Variants in NHERF4 observed in about 807,000 individuals in gnomAD.
NHERF4 encodes Na(+)/H(+) exchange regulatory cofactor NHE-RF4.
chr11:119,186,075 C>A, the NHERF4 span: 23 of 1,610,360 alleles, frequency 1.4e-5, no homozygotes, highest in East Asian at 5.1e-4. This position sits in a 1 kb window ranked among gnomAD's most constrained non-coding sequence, Gnocchi z 4.4. Context: ...GTACCTGCTT[C>A]CCCTGCCTCC....
the NHERF4 span, chr11:119,190,172 A>G: frequency 1.0e-6 from 1 of 997,580 alleles, no homozygotes; most frequent in Non-Finnish European, 1.4e-6. The surrounding 1 kb of genome is among the most constrained non-coding windows in gnomAD (Gnocchi z 4.2). Flanking sequence ...AACAAAAACA[A>G]AAAAAGAAGA....
At chr11:119,187,258 C>CCCT in the NHERF4 span, 1 of 1,579,460 alleles carries the variant, frequency 6.3e-7, no homozygotes, top group Non-Finnish European at 8.6e-7. Context: ...CGCCCACGTG[C>CCCT]CCTCTGTCCA....
chr11:119,187,426 G>A, the NHERF4 span: 1 of 1,614,148 alleles, frequency 6.2e-7, no homozygotes, highest in Non-Finnish European at 8.5e-7. Flanking sequence ...CATAGTGAAA[G>A]ATGAGGGTGG....
the NHERF4 span, chr11:119,186,489 C>A: frequency 6.2e-7 from 1 of 1,614,136 alleles, no homozygotes; most frequent in Non-Finnish European, 8.5e-7. The surrounding 1 kb of genome is among the most constrained non-coding windows in gnomAD (Gnocchi z 4.4). Flanking sequence ...ATCCCTGGAG[C>A]CTGGAGCGGC....
At chr11:119,186,106 A>G in the NHERF4 span, 1 of 1,612,852 alleles carries the variant, frequency 6.2e-7, no homozygotes, top group Non-Finnish European at 8.5e-7. This position sits in a 1 kb window ranked among gnomAD's most constrained non-coding sequence, Gnocchi z 4.4. Context: ...TTTAAGTTTA[A>G]CCCAAAGCTG....
At chr11:119,186,124 A>T in the NHERF4 span, 1 of 1,613,898 alleles carries the variant, frequency 6.2e-7, no homozygotes, top group South Asian at 1.1e-5. This position sits in a 1 kb window ranked among gnomAD's most constrained non-coding sequence, Gnocchi z 4.4. Flanking sequence ...CTGGGCATTG[A>T]TAATCCTGTC....
chr11:119,187,472 G>T, the NHERF4 span: 4 of 1,613,852 alleles, frequency 2.5e-6, no homozygotes, highest in African/African-American at 1.3e-5. Flanking sequence ...GAGCCCAGAG[G>T]GTGCGAGGGG....
At chr11:119,186,522 A>G in the NHERF4 span, 1 of 1,614,172 alleles carries the variant, frequency 6.2e-7, no homozygotes, top group Non-Finnish European at 8.5e-7. The surrounding 1 kb of genome is among the most constrained non-coding windows in gnomAD (Gnocchi z 4.4). Flanking sequence ...TACTGAGCAA[A>G]GAGGAGGGCA....
the NHERF4 span, chr11:119,189,393 G>C: frequency 6.3e-7 from 1 of 1,577,342 alleles, no homozygotes; most frequent in Non-Finnish European, 8.7e-7. The surrounding 1 kb of genome is among the most constrained non-coding windows in gnomAD (Gnocchi z 5.8). Flanking sequence ...TCCAGTGCAG[G>C]GCGGGGCAAG....
the NHERF4 span, chr11:119,189,110 C>T: frequency 1.2e-6 from 2 of 1,613,930 alleles, no homozygotes; most frequent in East Asian, 4.5e-5. The surrounding 1 kb of genome is among the most constrained non-coding windows in gnomAD (Gnocchi z 5.8). Flanking sequence ...GGAGAGGCTT[C>T]AGCAGCTGCC....
At chr11:119,188,901 G>T in the NHERF4 span, 2 of 1,611,918 alleles carry the variant, frequency 1.2e-6, no homozygotes, top group Non-Finnish European at 1.7e-6. Context: ...GAATCCCTTC[G>T]ATCCTTTGCT....
chr11:119,185,825 G>T, the NHERF4 span: 1 of 1,518,228 alleles, frequency 6.6e-7, no homozygotes, highest in East Asian at 2.3e-5. Flanking sequence ...CCCTGAGTTT[G>T]GGGGTTTCCC....
chr11:119,190,177 A>C, the NHERF4 span: 212 of 1,021,512 alleles, frequency 2.1e-4, 1 homozygote, highest in African/African-American at 3.2e-3. This position sits in a 1 kb window ranked among gnomAD's most constrained non-coding sequence, Gnocchi z 4.2. Flanking sequence ...AAACAAAAAA[A>C]GAAGAAAACT....
chr11:119,187,327 C>CA, the NHERF4 span: 2 of 1,613,190 alleles, frequency 1.2e-6, no homozygotes, highest in Non-Finnish European at 1.7e-6. Flanking sequence ...ATTGGCACGG[C>CA]ATGCACATGA....
the NHERF4 span, chr11:119,188,454 G>A: frequency 6.2e-7 from 1 of 1,613,140 alleles, no homozygotes; most frequent in Non-Finnish European, 8.5e-7. Context: ...AGCGTGGAGG[G>A]GCTGGGCCAT....
the NHERF4 span, chr11:119,187,663 G>A: frequency 6.5e-7 from 1 of 1,538,522 alleles, no homozygotes. Context: ...AATGGGGTCA[G>A]TGTGGAGAAG....
At chr11:119,187,844 G>T in the NHERF4 span, 1 of 1,465,550 alleles carries the variant, frequency 6.8e-7, no homozygotes, top group South Asian at 1.5e-5. Context: ...TTTGTGCCAG[G>T]CTCCACTTAG....
the NHERF4 span, chr11:119,187,548 T>C: frequency 6.2e-7 from 1 of 1,601,560 alleles, no homozygotes; most frequent in Admixed American, 1.7e-5. Context: ...ACCTTGCTTT[T>C]TTTTTTAATT....
chr11:119,188,935 C>G, the NHERF4 span: 4 of 1,610,906 alleles, frequency 2.5e-6, no homozygotes, highest in Non-Finnish European at 2.5e-6. Flanking sequence ...TCCTCTGCTT[C>G]CCTCCCAGAG....
Sources: gnomAD v4.1 joint callset for allele counts on GRCh38, gnomAD v4.1.1 for gene constraint, Gnocchi (gnomAD v3.1) non-coding constraint, MANE v1.5 for transcripts, NCBI Gene and HGNC (gene_info 2026-07-23, HGNC 2026-07-21) for gene names.